GCHFR: variants seen among roughly 807,000 people sequenced by gnomAD.
GCHFR encodes the protein GTP cyclohydrolase I feedback regulator.
In GCHFR, 12 loss-of-function variants were observed where a neutral mutation model predicts 10.6. That is an observed-to-expected ratio of 1.13 (90% CI 0.72 to 1.83). The LOEUF (loss-of-function observed/expected upper bound fraction) is 1.83, where lower values mean the gene tolerates loss of function less well. Ranked by LOEUF, GCHFR falls within the 40% of genes most tolerant of loss-of-function variation. GCHFR has a pLI of 0.00. For synonymous variants in GCHFR, 54 were observed against 43.7 expected, an observed-to-expected ratio of 1.24 and a Z score of -0.93; for missense variants, 116 against 110.6, an observed-to-expected ratio of 1.05 and a Z score of -0.22.
intron 1 of GCHFR, chr15:40,765,309 C>T (rs72735627): frequency 0.058 from 8,904 of 152,288 alleles, 389 homozygotes; most frequent in Non-Finnish European, 0.09. Flanking sequence ...TTCTAATACC[C>T]CAAAAGGAAA....
chr15:40,764,198 C>G lies in GCHFR; in HGVS notation c.18C>G (p.Ile6Met). The G allele has an allele frequency of 6.4e-7, 1 of 1,560,260 alleles. No homozygotes were observed. Among genetic ancestry groups the G allele is most frequent in the Non-Finnish European group, 8.7e-7 (1 of 1,153,186 alleles). MPYLL[I>M]STQIRMEVGP... is the part of the protein sequence containing the mutation. The stretch of plus-strand genomic sequence containing the variant: ...CGTGCACCATGCCCTACCTGCTCAT[C>G]AGCACCCAGATCCGCATGGTGAGTA... The change falls in exon 1 of 3, where the codon ATC (isoleucine) becomes ATG (methionine). Residue 6 changes from isoleucine (I) to methionine (M), a missense_variant. By Grantham distance (10) the Ile-to-Met change is conservative. Coordinates refer to ENST00000260447, the MANE Select transcript of GCHFR (RefSeq NM_005258.3).
chr15:40,764,597 T>A, intron 1 of GCHFR: 1 of 229,694 alleles, frequency 4.4e-6, no homozygotes, highest in Non-Finnish European at 8.4e-6. Flanking sequence ...GCGAATAACC[T>A]GAGAGAAAGA....
chr15:40,764,508 C>T, intron 1 of GCHFR: 1 of 426,438 alleles, frequency 2.3e-6, no homozygotes, highest in Non-Finnish European at 4.2e-6. Context: ...TACCTGTCGG[C>T]GGGAGAGACC....
chr15:40,765,464 TCTCA>T (rs1004810486), intron 1 of GCHFR: 37 of 165,410 alleles, frequency 2.2e-4, no homozygotes, highest in African/African-American at 7.4e-4. Flanking sequence ...TGAAATGGAG[TCTCA>T]CTCTGTCACC....
At chr15:40,766,371 C>A (rs893071659) in intron 2 of GCHFR, 1 of 153,058 alleles carries the variant, frequency 6.5e-6, no homozygotes, top group African/African-American at 2.4e-5. Flanking sequence ...AGCCATTTCC[C>A]TTGGCATTCT....
At chr15:40,766,297 G>C (rs1040363507) in intron 2 of GCHFR, 1 of 158,598 alleles carries the variant, frequency 6.3e-6, no homozygotes, top group African/African-American at 2.4e-5. Flanking sequence ...GCAAAGCTAA[G>C]CCCTAGAAGC....
At chr15:40,766,163 C>T (rs765927892) in intron 2 of GCHFR, 4 of 346,148 alleles carry the variant, frequency 1.2e-5, no homozygotes, top group Non-Finnish European at 2.1e-5. Context: ...AAACAGAGTC[C>T]GTTCCCTGGG....
chr15:40,765,104 ACT>A (rs1356939763), intron 1 of GCHFR: 1 of 151,964 alleles, frequency 6.6e-6, no homozygotes, highest in African/African-American at 2.4e-5. Context: ...ACCTCCTAAA[ACT>A]CTGTCTGGGG....
intron 2 of GCHFR, chr15:40,766,353 G>A (rs1888949101): frequency 6.5e-6 from 1 of 153,594 alleles, no homozygotes; most frequent in South Asian, 2.1e-4. Flanking sequence ...GCTGCTGCCT[G>A]GGGACCTAGC....
intron 1 of GCHFR, 198 bp downstream of exon 1, chr15:40,764,414 C>T: frequency 2.0e-6 from 1 of 502,252 alleles, no homozygotes; most frequent in Non-Finnish European, 3.5e-6. Flanking sequence ...CTCTGGCCGG[C>T]CTGAAGCCTT....
At chr15:40,767,049 C>T (rs1048026921) in intron 2 of GCHFR, 177 bp from the exon 3 acceptor site, 2 of 502,492 alleles carry the variant, frequency 4.0e-6, no homozygotes, top group East Asian at 3.2e-5. Context: ...TGAGATAGCT[C>T]GTGAAGTACC....
chr15:40,767,091 AC>A (rs1888965523), intron 2 of GCHFR, 134 bp from the exon 3 acceptor site: 3 of 834,512 alleles, frequency 3.6e-6, no homozygotes, highest in South Asian at 2.9e-5. Flanking sequence ...GCGTGCACTT[AC>A]CCCAGCGCCC....
intron 2 of GCHFR, 25 bp from the exon 3 acceptor site, chr15:40,767,200 AC>A (rs137970311): frequency 2.5e-4 from 365 of 1,456,848 alleles, no homozygotes; most frequent in East Asian, 3.0e-4. Flanking sequence ...GCCCCTCCTC[AC>A]CCCCCCCATC....
In GCHFR at chr15:40,765,911, G is replaced by T. The variant is rs1303986764; in HGVS notation, c.121G>T (p.Gly41Ter). 1.3e-6 allele frequency: 2 copies of T among 1,558,844 alleles called. No individual in the cohort carries two copies. Among genetic ancestry groups the T allele is most frequent in the Non-Finnish European group, 1.8e-6 (2 of 1,140,238 alleles). The change falls in exon 2 of 3, where the codon GGA (glycine) becomes TGA (stop). Residue 41 changes from glycine (G) to a stop codon, truncating the protein, a stop_gained. Transcript: ENST00000260447. LOFTEE classifies it high-confidence loss of function. ...HLGASKRRALGNNFYEYYVDD... is the reference protein window; with the variant it reads ...HLGASKRRAL Reference sequence around the variant, plus strand: ...GGGGGCTTCAAAGAGAAGAGCCTTGGGAAACAACTTGTAAGTAGCAGCCTC... The same window carrying T: ...GGGGGCTTCAAAGAGAAGAGCCTTGTGAAACAACTTGTAAGTAGCAGCCTC...
Position 40,764,226 on chromosome 15 carries a change from G to A in GCHFR, c.36+10G>A, listed in dbSNP as rs1156638151. 7.7e-6 allele frequency: 12 copies of A among 1,550,968 alleles called. No individual in the cohort carries two copies. The highest frequency in any genetic ancestry group is 9.6e-6 in the Non-Finnish European group (11 of 1,147,982). On this transcript the variant is annotated intron_variant, in intron 1 of 2. Coordinates refer to ENST00000260447, the MANE Select transcript of GCHFR (RefSeq NM_005258.3). ...CACCCAGATCCGCATGGTGAGTACC[G>A]GCCGCCTGGCGACTTGGAGCCGGGA... is the stretch of plus-strand genomic sequence containing the variant.
intron 2 of GCHFR, 127 bp from the exon 3 acceptor site, chr15:40,767,099 G>A (rs375110862): frequency 1.9e-5 from 18 of 957,324 alleles, no homozygotes; most frequent in Middle Eastern, 2.3e-4. Context: ...TTACCCCAGC[G>A]CCCAGCAAGC....
rs763964766 is a variant in GCHFR, at chr15:40,765,859, G to A, written c.69G>A (p.Gln23=). The change falls in exon 2 of 3, where the codon CAG becomes CAA. Residue 23 remains glutamine, a synonymous_variant. Coordinates refer to ENST00000260447, the MANE Select transcript of GCHFR (RefSeq NM_005258.3). ...EVGPTMVGDE[Q]SDPELMQHLG... is the part of the protein sequence containing the mutation. ...GCCCCACTATGGTGGGCGATGAACAGTCGGATCCAGAGCTGATGCAGCATC... is the reference window on the plus strand; with the variant it reads ...GCCCCACTATGGTGGGCGATGAACAATCGGATCCAGAGCTGATGCAGCATC... The A allele has an allele frequency of 6.3e-7, 1 of 1,585,990 alleles. No homozygotes were observed. The highest frequency in any genetic ancestry group is 8.6e-7 in the Non-Finnish European group (1 of 1,161,684).
rs201076154 is a variant in GCHFR at position 40,765,851 on chromosome 15, G to A, written c.61G>A (p.Asp21Asn). Residue 21 changes from aspartate to asparagine, a missense_variant, in exon 2 of 3, where the codon GAT becomes AAT. Physicochemically the swap from Asp to Asn is conservative, Grantham distance 23. Coordinates refer to ENST00000260447, the MANE Select transcript of GCHFR (RefSeq NM_005258.3). Reference sequence around the variant, plus strand: ...GGAGGTGGGCCCCACTATGGTGGGCGATGAACAGTCGGATCCAGAGCTGAT... The same window carrying A: ...GGAGGTGGGCCCCACTATGGTGGGCAATGAACAGTCGGATCCAGAGCTGAT... ...RMEVGPTMVG[D>N]EQSDPELMQH... 170 of 1,582,676 alleles carry A rather than the reference G, an allele frequency of 1.1e-4. No homozygotes were observed. Among genetic ancestry groups the A allele is most frequent in the Middle Eastern group, 1.7e-4 (1 of 5,950 alleles).
intron 1 of GCHFR, chr15:40,764,481 G>C (rs1445102912): frequency 2.2e-6 from 1 of 461,474 alleles, no homozygotes; most frequent in East Asian, 3.6e-5. Flanking sequence ...ACCTCCGGGC[G>C]CTTCCGGCTC....
Sources: gnomAD v4.1 joint callset for allele counts on GRCh38, gnomAD v4.1.1 for gene constraint, MANE v1.5 for transcripts, NCBI Gene and HGNC (gene_info 2026-07-23, HGNC 2026-07-21) for gene names.